Variants in CNBD1 observed in about 807,000 individuals in gnomAD.
CNBD1 encodes the protein cyclic nucleotide-binding domain-containing protein 1.
Under a neutral mutation model 54.4 loss-of-function variants are expected in CNBD1, and 71 were observed. The observed-to-expected ratio is 1.30, with a 90% CI of 1.08 to 1.59. CNBD1 has a LOEUF of 1.59. Ranked by LOEUF, CNBD1 falls within the 40% of genes most tolerant of loss-of-function variation. CNBD1 has a pLI of 0.00. For missense variants in CNBD1, 659 were observed against 518.0 expected (o/e 1.27, Z -2.64); for synonymous variants, 182 against 170.7 (o/e 1.07, Z -0.51).
At chr8:87,088,152 GT>G (rs373719914) in intron 4 of CNBD1, among the ~76,000 whole-genome samples, 199 of 152,178 alleles carry the variant, frequency 1.3e-3, no homozygotes, top group African/African-American at 4.4e-3. Flanking sequence ...GTGCTTATTA[GT>G]TTTTTTCCCC....
chr8:86,975,676 G>A (rs1808325621), intron 4 of CNBD1, among the ~76,000 whole-genome samples: 1 of 151,962 alleles, frequency 6.6e-6, no homozygotes, highest in Non-Finnish European at 1.5e-5. Flanking sequence ...TGTGAATAAT[G>A]CTGCAATGAA....
At chr8:87,302,939 G>A (rs1161280091) in intron 8 of CNBD1, among the ~76,000 whole-genome samples, 7 of 151,610 alleles carry the variant, frequency 4.6e-5, no homozygotes, top group African/African-American at 1.7e-4. Flanking sequence ...GGGATGTGAA[G>A]GACCTCTTCA....
At chr8:87,204,085 C>T (rs554930931) in intron 4 of CNBD1, among the ~76,000 whole-genome samples, 1 of 152,226 alleles carries the variant, frequency 6.6e-6, no homozygotes, top group South Asian at 2.1e-4. Context: ...ATCATGTTCC[C>T]TTTGAAGGAT....
chr8:87,414,764 A>C (rs1807809104), intron 2 of CNBD1, among the ~76,000 whole-genome samples: 1 of 143,200 alleles, frequency 7.0e-6, no homozygotes, highest in Admixed American at 6.9e-5. Flanking sequence ...TGAAAACTAA[A>C]GTAAAAAACT....
chr8:87,413,988 G>A (rs1807795620), intron 2 of CNBD1, among the ~76,000 whole-genome samples: 1 of 151,992 alleles, frequency 6.6e-6, no homozygotes, highest in South Asian at 2.1e-4. Context: ...TCTAGAGCTA[G>A]AAATACCATT....
intron 4 of CNBD1, among the ~76,000 whole-genome samples, chr8:87,005,536 A>G (rs1809080477): frequency 6.6e-6 from 1 of 151,950 alleles, no homozygotes; most frequent in Admixed American, 6.6e-5. Context: ...TTAATTCCAT[A>G]ATTCGTATCC....
At chr8:87,386,197 T>A (rs112395544), downstream of CNBD1, among the ~76,000 whole-genome samples, 6,647 of 152,052 alleles carry the variant, frequency 0.044, 189 homozygotes, top group Non-Finnish European at 0.06. Context: ...ACTCTAAAAA[T>A]CAGAGCACCT....
chr8:87,076,482 GCCCA>G (rs1367879408), intron 4 of CNBD1, among the ~76,000 whole-genome samples: 3 of 150,980 alleles, frequency 2.0e-5, no homozygotes, highest in Admixed American at 6.6e-5. Flanking sequence ...TCACACTGTT[GCCCA>G]GGCTTGAGTG....
chr8:87,038,529 C>T (rs1423019974), intron 4 of CNBD1, among the ~76,000 whole-genome samples: 1 of 152,146 alleles, frequency 6.6e-6, no homozygotes, highest in Non-Finnish European at 1.5e-5. Flanking sequence ...CTGCAAAAGA[C>T]AGCTCAAGAG....
chr8:87,425,006 G>T lies in CNBD1; in HGVS notation c.214-3540G>T, dbSNP rs528225599. 2.8e-3 allele frequency among the ~76,000 whole-genome samples: 429 copies of T among 152,152 alleles called. 1 individual carries two copies. The highest frequency in any genetic ancestry group is 9.9e-3 in the African/African-American group (409 of 41,502). On this transcript the variant is annotated intron_variant, in intron 2 of 7. Coordinates refer to the CNBD1 transcript ENST00000521593. ...TTCACATAGTCCCATATTTCTTGGAGGCTTTCCTCATTTCTTTTTATTCTT... is the reference window on the plus strand; with the variant it reads ...TTCACATAGTCCCATATTTCTTGGATGCTTTCCTCATTTCTTTTTATTCTT...
At position 87,149,315 on chromosome 8, in the gene CNBD1, C is replaced by A. The variant is rs1208162139; in HGVS notation, c.432-56678C>A. 2.6e-5 allele frequency among the ~76,000 whole-genome samples: 4 copies of A among 152,190 alleles called. No homozygotes were observed. In the East Asian group the frequency reaches 7.7e-4, roughly 29 times the overall value. On this transcript the variant is annotated intron_variant, in intron 4 of 10. Transcript: ENST00000518476. ...CCCTGGATTGAGGATTATAGTCAGA[C>A]TATTGGCAAGAATTTTTTGAAATGG...
At chr8:87,251,275 A>G (rs1807911542) in intron 6 of CNBD1, among the ~76,000 whole-genome samples, 1 of 152,250 alleles carries the variant, frequency 6.6e-6, no homozygotes, top group Non-Finnish European at 1.5e-5. Flanking sequence ...TGTTAGTAAT[A>G]CAACAGTCTT....
chr8:86,876,591 T>A (rs1026236183), intron 1 of CNBD1, among the ~76,000 whole-genome samples: 1 of 151,834 alleles, frequency 6.6e-6, no homozygotes, highest in African/African-American at 2.4e-5. Flanking sequence ...TTTCCATTTT[T>A]CTTATGTATT....
At chr8:87,357,636 C>G (rs1810446685) in intron 10 of CNBD1, among the ~76,000 whole-genome samples, 2 of 152,152 alleles carry the variant, frequency 1.3e-5, no homozygotes, top group African/African-American at 2.4e-5. Flanking sequence ...TTTGGTCTTA[C>G]AGGCTCATAG....
At chr8:86,967,124 G>A (rs1277041256) in intron 4 of CNBD1, among the ~76,000 whole-genome samples, 1 of 152,178 alleles carries the variant, frequency 6.6e-6, no homozygotes, top group East Asian at 1.9e-4. Flanking sequence ...ACCAGGAGTG[G>A]AGAGAGGCCA....
At chr8:87,081,233 A>C (rs1197609371) in intron 4 of CNBD1, among the ~76,000 whole-genome samples, 3 of 151,926 alleles carry the variant, frequency 2.0e-5, no homozygotes, top group African/African-American at 7.2e-5. Context: ...AATATTTTCT[A>C]ATCTTTCCTT....
chr8:87,321,474 G>T (rs1255078177), intron 8 of CNBD1, among the ~76,000 whole-genome samples: 1 of 152,030 alleles, frequency 6.6e-6, no homozygotes, highest in Non-Finnish European at 1.5e-5. Flanking sequence ...TCTTATACCT[G>T]TTCTACATTT....
chr8:87,291,018 A>G (rs554999658), intron 8 of CNBD1, among the ~76,000 whole-genome samples: 5 of 151,052 alleles, frequency 3.3e-5, no homozygotes, highest in Non-Finnish European at 7.4e-5. Context: ...TCTGTTTCTG[A>G]CTCTCTCATA....
intron 8 of CNBD1, among the ~76,000 whole-genome samples, chr8:87,321,620 A>G (rs1296501579): frequency 6.6e-6 from 1 of 151,870 alleles, no homozygotes; most frequent in Non-Finnish European, 1.5e-5. Flanking sequence ...GTCTGCAAAT[A>G]TTTTCTCTCA....
Sources: allele counts gnomAD v4.1 joint callset (sites outside exome capture counted in the v4.1 genomes callset), GRCh38; gene constraint gnomAD v4.1.1; transcripts MANE v1.5; gene names NCBI Gene and HGNC (gene_info 2026-07-23, HGNC 2026-07-21).